Variants in ADGRF5 observed in about 807,000 individuals in gnomAD.
The protein encoded by ADGRF5 is adhesion G protein-coupled receptor F5.
A neutral mutation model predicts 132.3 loss-of-function variants in ADGRF5; 75 were observed. The ratio of observed to expected loss-of-function variants is 0.57; its 90% CI spans 0.47 to 0.69. The LOEUF is 0.69. Among genes scored for constraint, ADGRF5 ranks in the 30% least tolerant of loss-of-function variants. The pLI is 0.00. For synonymous variants in ADGRF5, 629 were observed against 597.6 expected (o/e 1.05, Z -0.77); for missense variants, 1,516 against 1,630.6 (o/e 0.93, Z 1.21).
chr6:46,913,995 C>T (rs1776211201), intron 1 of ADGRF5, among the ~76,000 whole-genome samples: 2 of 152,206 alleles, frequency 1.3e-5, no homozygotes, highest in Admixed American at 6.5e-5. Flanking sequence ...AGACTACGAT[C>T]AGGCAGCCCT....
upstream of ADGRF5, among the ~76,000 whole-genome samples, chr6:46,922,587 A>G (rs987149824): frequency 1.3e-5 from 2 of 152,208 alleles, no homozygotes; most frequent in Non-Finnish European, 2.9e-5. Flanking sequence ...TAGTCAGCTC[A>G]TTTTTGAACT....
At chr6:46,912,097 A>T (rs1776005175) in intron 1 of ADGRF5, among the ~76,000 whole-genome samples, 1 of 152,164 alleles carries the variant, frequency 6.6e-6, no homozygotes, top group African/African-American at 2.4e-5. Flanking sequence ...AAATTAACTG[A>T]GCCACTGAGT....
upstream of ADGRF5, among the ~76,000 whole-genome samples, chr6:46,924,767 A>G (rs893220834): frequency 1.3e-5 from 2 of 152,216 alleles, no homozygotes; most frequent in East Asian, 3.9e-4. Context: ...GGGCATCTCC[A>G]TCCTTCCAGT....
chr6:46,909,475 G>C (rs2150903751), intron 1 of ADGRF5, among the ~76,000 whole-genome samples: 1 of 152,328 alleles, frequency 6.6e-6, no homozygotes, highest in Non-Finnish European at 1.5e-5. Context: ...TTTCCTGTCT[G>C]TGAAGTTAGA....
chr6:46,890,230 C>T (rs1288043492), intron 3 of ADGRF5, among the ~76,000 whole-genome samples: 4 of 151,934 alleles, frequency 2.6e-5, no homozygotes, highest in Non-Finnish European at 4.4e-5. Context: ...GGAGCTGGGA[C>T]TACAAGCTCA....
At chr6:46,891,357 T>C (rs1342222953) in intron 3 of ADGRF5, among the ~76,000 whole-genome samples, 1 of 152,172 alleles carries the variant, frequency 6.6e-6, no homozygotes, top group African/African-American at 2.4e-5. Context: ...CTGGGAATAT[T>C]TACGAGGAGA....
chr6:46,878,610 A>C lies in ADGRF5; in HGVS notation c.1037-205T>G, dbSNP rs563112514. Among the ~76,000 whole-genome samples the C allele has an allele frequency of 5.9e-5, 9 of 152,306 alleles. No individual in the cohort carries two copies. In the South Asian group the frequency reaches 1.9e-3, roughly 32 times the overall value. ...TCATGCCACAAAGTGGAGTACAGAG[A>C]TGTTCTAAGGAAATAGTAGAAATTT... On this transcript the variant is annotated intron_variant, in intron 9 of 20. Transcript: ENST00000283296.
At chr6:46,897,943 G>A (rs1421806453) in intron 3 of ADGRF5, among the ~76,000 whole-genome samples, 2 of 152,102 alleles carry the variant, frequency 1.3e-5, no homozygotes, top group Non-Finnish European at 2.9e-5. Flanking sequence ...AAGTACCAAG[G>A]CCAATCCATC....
intron 3 of ADGRF5, among the ~76,000 whole-genome samples, chr6:46,893,057 G>GTTT (rs1292781793): frequency 1.2e-5 from 1 of 85,284 alleles, no homozygotes; most frequent in Non-Finnish European, 2.7e-5. Flanking sequence ...GGACAACAGG[G>GTTT]ATTTTTTTTT....
chr6:46,890,117 G>C (rs903094887), intron 3 of ADGRF5, among the ~76,000 whole-genome samples: 2 of 151,976 alleles, frequency 1.3e-5, no homozygotes, highest in Non-Finnish European at 2.9e-5. Context: ...TTTCTGGACA[G>C]GACCTCTCTC....
chr6:46,879,840 G>A lies in ADGRF5; in HGVS notation c.1014C>T (p.His338=). 6.2e-7 allele frequency: 1 copy of A among 1,612,696 alleles called. No homozygotes were observed. Among genetic ancestry groups the A allele is most frequent in the Non-Finnish European group, 8.5e-7 (1 of 1,178,672 alleles). Residue 338 remains histidine, a synonymous_variant, in exon 9 of 21, where the codon CAC becomes CAT. Coordinates refer to ENST00000283296, the MANE Select transcript of ADGRF5 (RefSeq NM_001098518.2). ...TACCTGCATCACCTGGAGTGATGTT[G>A]TGGATGGTGAGCTTGGACACCGAAG... The part of the protein sequence containing the change: ...NMTSVSKLTI[H]NITPGDAGEY...
At chr6:46,925,880 A>T (rs951503772), upstream of ADGRF5, among the ~76,000 whole-genome samples, 3 of 152,158 alleles carry the variant, frequency 2.0e-5, no homozygotes, top group Non-Finnish European at 4.4e-5. Context: ...AAATTCTCCT[A>T]CCTTCATATC....
At chr6:46,932,980 C>T (rs1055816358) in intron 1 of ADGRF5, among the ~76,000 whole-genome samples, 32 of 152,132 alleles carry the variant, frequency 2.1e-4, no homozygotes, top group African/African-American at 7.7e-4. Flanking sequence ...GGCTCTGAAA[C>T]TCAGCGCCAA....
intron 5 of ADGRF5, 129 bp from the exon 6 acceptor site, chr6:46,883,794 T>G (rs1441269501): frequency 3.2e-6 from 2 of 615,702 alleles, no homozygotes; most frequent in Admixed American, 3.2e-5. Context: ...CAGGCTGGAG[T>G]GCAACGGCAC....
chr6:46,869,121 A>G, intron 11 of ADGRF5, 29 bp from the exon 12 acceptor site: 1 of 1,601,132 alleles, frequency 6.2e-7, no homozygotes, highest in Non-Finnish European at 8.5e-7. Flanking sequence ...AAACAGACAA[A>G]AGAAAACTGA....
chr6:46,889,503 GA>G (rs1457965287), intron 3 of ADGRF5, among the ~76,000 whole-genome samples: 1 of 145,156 alleles, frequency 6.9e-6, no homozygotes, highest in Non-Finnish European at 1.5e-5. Flanking sequence ...TATATATAGA[GA>G]GAGACTATAT....
At chr6:46,925,396 T>A (rs1373550263), upstream of ADGRF5, among the ~76,000 whole-genome samples, 1 of 152,224 alleles carries the variant, frequency 6.6e-6, no homozygotes, top group African/African-American at 2.4e-5. Context: ...TTCCATATCA[T>A]CTCTGGTACA....
At chr6:46,949,623 T>A (rs1253216055) in intron 1 of ADGRF5, among the ~76,000 whole-genome samples, 2 of 152,212 alleles carry the variant, frequency 1.3e-5, no homozygotes, top group African/African-American at 4.8e-5. Flanking sequence ...AGAATCAGTT[T>A]CTTTTTCACA....
intron 3 of ADGRF5, among the ~76,000 whole-genome samples, chr6:46,892,167 C>G (rs886557404): frequency 7.1e-5 from 1 of 14,106 alleles, no homozygotes; most frequent in African/African-American, 1.7e-4. Context: ...CACACACACA[C>G]ACACACACAC....
Sources: gnomAD v4.1 joint callset for allele counts (sites outside exome capture counted in the v4.1 genomes callset) on GRCh38, gnomAD v4.1.1 for gene constraint, MANE v1.5 for transcripts, NCBI Gene and HGNC (gene_info 2026-07-23, HGNC 2026-07-21) for gene names.